Variants in SUGCT observed in about 807,000 individuals in gnomAD.
The protein encoded by SUGCT is succinyl-CoA:glutarate-CoA transferase.
SUGCT carries 41 observed loss-of-function variants against 55.0 expected under a neutral mutation model. The observed-to-expected ratio is 0.74, with a 90% CI of 0.58 to 0.97. The LOEUF (loss-of-function observed/expected upper bound fraction) is 0.97, where lower values mean the gene tolerates loss of function less well. SUGCT is among the 50% of genes least tolerant of loss of function. The pLI is 0.00. For synonymous variants in SUGCT, 187 were observed against 200.4 expected, an observed-to-expected ratio of 0.93 and a Z score of 0.56; for missense variants, 568 against 547.8, an observed-to-expected ratio of 1.04 and a Z score of -0.37.
chr7:40,704,235 G>A (rs1785294402), intron 12 of SUGCT, among the ~76,000 whole-genome samples: 1 of 152,160 alleles, frequency 6.6e-6, no homozygotes, highest in East Asian at 1.9e-4. Flanking sequence ...GTGTGATCTT[G>A]GGAAAGTCAC....
intron 12 of SUGCT, among the ~76,000 whole-genome samples, chr7:40,682,363 A>C (rs186390674): frequency 2.8e-3 from 427 of 152,364 alleles, no homozygotes; most frequent in Non-Finnish European, 4.9e-3. Context: ...GCTCAAGCAA[A>C]TTAATCAAAC....
intron 13 of SUGCT, among the ~76,000 whole-genome samples, chr7:40,797,127 T>G (rs1459002491): frequency 6.6e-6 from 1 of 152,180 alleles, no homozygotes; most frequent in East Asian, 1.9e-4. Flanking sequence ...TTGGGATAAA[T>G]TTTTATTTGT....
chr7:40,262,495 C>CAAAAAAAAAA (rs67739412), intron 7 of SUGCT, among the ~76,000 whole-genome samples: 1 of 122,032 alleles, frequency 8.2e-6, no homozygotes, highest in Non-Finnish European at 1.6e-5. Context: ...ACCGAAAATA[C>CAAAAAAAAAA]AAAAAAAAAA....
intron 13 of SUGCT, among the ~76,000 whole-genome samples, chr7:40,837,873 C>T (rs2128785478): frequency 6.6e-6 from 1 of 152,308 alleles, no homozygotes; most frequent in Middle Eastern, 3.4e-3. Context: ...CTTGGCCTCC[C>T]AAAGTGCTGG....
chr7:40,764,255 G>A (rs1259603115), intron 13 of SUGCT, among the ~76,000 whole-genome samples: 1 of 152,136 alleles, frequency 6.6e-6, no homozygotes, highest in African/African-American at 2.4e-5. Flanking sequence ...GCTCACCACT[G>A]AGGAGTTTGT....
intron 9 of SUGCT, among the ~76,000 whole-genome samples, chr7:40,333,892 T>G (rs1796508292): frequency 6.6e-6 from 1 of 151,318 alleles, no homozygotes; most frequent in Admixed American, 6.6e-5. Context: ...CCTAGTGCTA[T>G]CCCTCCCCAC....
At chr7:40,141,618 A>ACAGTGCAAGACTC (rs1211766026) in intron 1 of SUGCT, among the ~76,000 whole-genome samples, 1 of 149,204 alleles carries the variant, frequency 6.7e-6, no homozygotes, top group Non-Finnish European at 1.5e-5. Context: ...TGGGCGACAG[A>ACAGTGCAAGACTC]CAGTGCAAGA....
chr7:40,333,047 TA>T (rs976213966), intron 9 of SUGCT, among the ~76,000 whole-genome samples: 9 of 152,100 alleles, frequency 5.9e-5, no homozygotes, highest in Non-Finnish European at 8.8e-5. Context: ...GCTAAAAGCA[TA>T]AAAAAAGAAT....
At chr7:40,878,728 T>C in the SUGCT span, among the ~76,000 whole-genome samples, 1 of 151,682 alleles carries the variant, frequency 6.6e-6, no homozygotes, top group African/African-American at 2.4e-5. Context: ...ATCAACACCC[T>C]CCACCAGAAA....
chr7:40,311,640 T>C (rs922153533), intron 8 of SUGCT, among the ~76,000 whole-genome samples: 2 of 152,226 alleles, frequency 1.3e-5, no homozygotes, highest in Admixed American at 1.3e-4. Context: ...TGTTACTCTT[T>C]GTTTTCCAGT....
intron 5 of SUGCT, among the ~76,000 whole-genome samples, chr7:40,190,781 T>C (rs899164588): frequency 2.6e-5 from 4 of 152,216 alleles, no homozygotes; most frequent in Non-Finnish European, 5.9e-5. Flanking sequence ...TTGGTTCTAC[T>C]AGAACCTCCA....
chr7:40,960,649 C>G, the SUGCT span, among the ~76,000 whole-genome samples: 4 of 152,170 alleles, frequency 2.6e-5, no homozygotes, highest in Admixed American at 6.5e-5. Flanking sequence ...GTATATATTA[C>G]ATCATCTTGG....
chr7:40,849,252 A>G (rs1316708497), intron 13 of SUGCT, among the ~76,000 whole-genome samples: 1 of 152,238 alleles, frequency 6.6e-6, no homozygotes. Context: ...AAATCAAATG[A>G]AAAAAATCCA....
intron 6 of SUGCT, among the ~76,000 whole-genome samples, chr7:40,200,562 G>A (rs766527341): frequency 6.6e-6 from 1 of 152,054 alleles, no homozygotes; most frequent in African/African-American, 2.4e-5. Context: ...GAAAGATCTA[G>A]ACGCCTTTAA....
chr7:40,594,555 C>T (rs1236026584), intron 12 of SUGCT, among the ~76,000 whole-genome samples: 2 of 152,106 alleles, frequency 1.3e-5, no homozygotes, highest in Non-Finnish European at 2.9e-5. Context: ...CCCTATGCCT[C>T]AATTTTCTCC....
At chr7:40,582,215 A>G (rs1268926289) in intron 12 of SUGCT, among the ~76,000 whole-genome samples, 1 of 152,126 alleles carries the variant, frequency 6.6e-6, no homozygotes, top group Non-Finnish European at 1.5e-5. Flanking sequence ...TTACAAGCTA[A>G]AATAGAGTCT....
At chr7:40,730,866 C>A (rs941450726) in intron 12 of SUGCT, among the ~76,000 whole-genome samples, 1 of 152,210 alleles carries the variant, frequency 6.6e-6, no homozygotes, top group Non-Finnish European at 1.5e-5. Context: ...ATGACAGAAT[C>A]ACCTTCTCTT....
intron 12 of SUGCT, among the ~76,000 whole-genome samples, chr7:40,670,547 T>TA (rs1365511052): frequency 6.6e-6 from 1 of 152,084 alleles, no homozygotes; most frequent in Non-Finnish European, 1.5e-5. Flanking sequence ...AATCTGACAT[T>TA]AAAAAAATTT....
chr7:40,277,677 GTTATTATTA>G (rs55772430), intron 8 of SUGCT, among the ~76,000 whole-genome samples: 2 of 144,902 alleles, frequency 1.4e-5, no homozygotes, highest in African/African-American at 5.0e-5. Context: ...TGTTCTTTTT[GTTATTATTA>G]TTATTATTAT....
Sources: gnomAD v4.1 joint callset for allele counts (sites outside exome capture counted in the v4.1 genomes callset) on GRCh38, gnomAD v4.1.1 for gene constraint, MANE v1.5 for transcripts, NCBI Gene and HGNC (gene_info 2026-07-23, HGNC 2026-07-21) for gene names.